Variants in XXYLT1 observed in about 807,000 individuals in gnomAD.
The protein encoded by XXYLT1 is UDP-xylose:alpha-xyloside alpha-1,3-xylosyltransferase.
In XXYLT1, 20 loss-of-function variants were observed where a neutral mutation model predicts 28.9. That is an observed-to-expected ratio of 0.69 (90% CI 0.49 to 1.00). The LOEUF (loss-of-function observed/expected upper bound fraction) is 1.00. Among genes scored for constraint, XXYLT1 ranks in the 50% least tolerant of loss-of-function variants. The pLI, the probability that XXYLT1 is intolerant of heterozygous loss-of-function variation, is 0.00. For missense variants in XXYLT1, 542 were observed against 560.1 expected, an observed-to-expected ratio of 0.97 and a Z score of 0.33; for synonymous variants, 257 against 253.8, an observed-to-expected ratio of 1.01 and a Z score of -0.12.
chr3:195,207,705 TAAA>T (rs1341453812), intron 2 of XXYLT1, among the ~76,000 whole-genome samples: 1 of 152,160 alleles, frequency 6.6e-6, no homozygotes, highest in Non-Finnish European at 1.5e-5. Flanking sequence ...TACAGATAAA[TAAA>T]TAAGCTGTAA....
chr3:195,222,802 G>A (rs909107406), intron 2 of XXYLT1, among the ~76,000 whole-genome samples: 1 of 152,126 alleles, frequency 6.6e-6, no homozygotes, highest in African/African-American at 2.4e-5. Context: ...CATGGGGGTT[G>A]AAATGAAGAT....
At chr3:195,184,570 C>G in intron 2 of XXYLT1, 2 of 976,806 alleles carry the variant, frequency 2.0e-6, no homozygotes, top group Non-Finnish European at 2.4e-6. Context: ...TAAGAAAATC[C>G]TCAAAATGGT....
At chr3:195,247,821 G>A (rs545875160) in intron 1 of XXYLT1, 5 of 702,642 alleles carry the variant, frequency 7.1e-6, no homozygotes, top group Non-Finnish European at 1.3e-5. Flanking sequence ...CACGGCGGAA[G>A]GGACACATCT....
At chr3:195,231,520 G>C (rs1724298213) in intron 1 of XXYLT1, among the ~76,000 whole-genome samples, 1 of 152,062 alleles carries the variant, frequency 6.6e-6, no homozygotes, top group Admixed American at 6.5e-5. Flanking sequence ...CTGTGGGCCT[G>C]TTGCATATGG....
intron 3 of XXYLT1, among the ~76,000 whole-genome samples, chr3:195,132,035 C>T (rs548190271): frequency 6.6e-6 from 1 of 152,292 alleles, no homozygotes; most frequent in South Asian, 2.1e-4. Flanking sequence ...GGCGGGACCT[C>T]ACTCCTAAGG....
chr3:195,096,988 G>A (rs553106766), intron 3 of XXYLT1, among the ~76,000 whole-genome samples: 8 of 152,354 alleles, frequency 5.3e-5, no homozygotes, highest in African/African-American at 1.7e-4. Context: ...GTCAGGCTGC[G>A]CTGAGCGCTG....
chr3:195,199,330 G>A, intron 2 of XXYLT1, among the ~76,000 whole-genome samples: 1 of 152,116 alleles, frequency 6.6e-6, no homozygotes, highest in Non-Finnish European at 1.5e-5. Flanking sequence ...AATCTTTTTG[G>A]GCCGGGCGCG....
At chr3:195,116,590 T>G (rs1004841425) in intron 3 of XXYLT1, among the ~76,000 whole-genome samples, 1 of 152,178 alleles carries the variant, frequency 6.6e-6, no homozygotes, top group Non-Finnish European at 1.5e-5. Flanking sequence ...GGACAACTTA[T>G]CAGCTCTCAC....
rs1331365583 is a variant in XXYLT1, at chr3:195,076,508, G to A, written c.786-6397C>T. 6.6e-6 allele frequency among the ~76,000 whole-genome samples: 1 copy of A among 152,196 alleles called. No homozygotes were observed. Among genetic ancestry groups the A allele is most frequent in the Non-Finnish European group, 1.5e-5 (1 of 68,034 alleles). On this transcript the variant is annotated intron_variant, in intron 3 of 3. Transcript: ENST00000310380. The surrounding 1 kb of genome is among the most constrained non-coding windows in gnomAD (Gnocchi z 5.3). ...TGGAGAGTTGCCCCTGTTACAGCCT[G>A]CACAGTGGGCCTCATTTTTACCTAA...
intron 2 of XXYLT1, among the ~76,000 whole-genome samples, chr3:195,187,361 C>A (rs536995590): frequency 1.1e-4 from 16 of 152,324 alleles, no homozygotes; most frequent in African/African-American, 3.8e-4. Flanking sequence ...CCATGCCCGG[C>A]CAGCTGAAGC....
At chr3:195,245,560 G>A (rs970629747) in intron 1 of XXYLT1, among the ~76,000 whole-genome samples, 2 of 152,158 alleles carry the variant, frequency 1.3e-5, no homozygotes, top group Non-Finnish European at 2.9e-5. Flanking sequence ...TTTAATTTGA[G>A]CGGCAGCTGA....
In XXYLT1 at chr3:195,173,975, A is replaced by G. The variant is rs1721537286; in HGVS notation, c.653-17394T>C. Among the ~76,000 whole-genome samples, 1 of 152,236 alleles carries G rather than the reference A, an allele frequency of 6.6e-6. No individual in the cohort carries two copies. The highest frequency in any genetic ancestry group is 1.5e-5 in the Non-Finnish European group (1 of 68,040). On this transcript the variant is annotated intron_variant, in intron 2 of 3. Transcript: ENST00000310380. The surrounding 1 kb of genome is among the most constrained non-coding windows in gnomAD (Gnocchi z 4.3). ...TCCCTCGGGTTGCAGGAGCAGAGTG[A>G]CATACTCAGAGTCCCTCAGTCAGAG...
chr3:195,121,662 T>C (rs1718366819), intron 3 of XXYLT1, among the ~76,000 whole-genome samples: 1 of 152,234 alleles, frequency 6.6e-6, no homozygotes, highest in Non-Finnish European at 1.5e-5. Flanking sequence ...GCAGACATGC[T>C]GGTCCTATTC....
At position 195,124,897 on chromosome 3, in the gene XXYLT1, A is replaced by G. The variant is rs556519607; in HGVS notation, c.785+31552T>C. On this transcript the variant is annotated intron_variant, in intron 3 of 3. Coordinates refer to ENST00000310380, the MANE Select transcript of XXYLT1 (RefSeq NM_152531.5). This position sits in a 1 kb window ranked among gnomAD's most constrained non-coding sequence, Gnocchi z 4.1. ...GACGCAGCACACATCTGTATTTTCT[A>G]TCAGGCTGCGGGTGCACAAGGCTGT... is the stretch of plus-strand genomic sequence containing the variant. Among the ~76,000 whole-genome samples the G allele has an allele frequency of 3.3e-5, 5 of 152,190 alleles. No individual in the cohort carries two copies. Among genetic ancestry groups the G allele is most frequent in the South Asian group, 2.1e-4 (1 of 4,828 alleles).
chr3:195,126,595 G>A (rs1385973261), intron 3 of XXYLT1, among the ~76,000 whole-genome samples: 2 of 152,206 alleles, frequency 1.3e-5, no homozygotes. Flanking sequence ...CGGGCATAAA[G>A]ACTTGACATT....
chr3:195,230,572 A>T (rs1251137596), intron 1 of XXYLT1, among the ~76,000 whole-genome samples: 1 of 152,052 alleles, frequency 6.6e-6, no homozygotes, highest in Non-Finnish European at 1.5e-5. Context: ...CAAGAGAGAG[A>T]GGTCTAGATG....
intron 2 of XXYLT1, among the ~76,000 whole-genome samples, chr3:195,213,398 G>A (rs897663581): frequency 1.3e-5 from 2 of 151,926 alleles, no homozygotes; most frequent in African/African-American, 2.4e-5. Context: ...CCGAGTAGCT[G>A]GGATTACAGG....
intron 3 of XXYLT1, among the ~76,000 whole-genome samples, chr3:195,102,639 A>C (rs1162834064): frequency 6.6e-6 from 1 of 152,100 alleles, no homozygotes; most frequent in Non-Finnish European, 1.5e-5. Flanking sequence ...TTCTTTTTAA[A>C]GGCCGAGTAA....
intron 3 of XXYLT1, among the ~76,000 whole-genome samples, chr3:195,091,048 CAA>C (rs1716104960): frequency 6.7e-6 from 1 of 150,212 alleles, no homozygotes; most frequent in African/African-American, 2.5e-5. Context: ...GCTTACCAAT[CAA>C]AAAGAGTCCA....
Sources: gnomAD v4.1 joint callset for allele counts (sites outside exome capture counted in the v4.1 genomes callset) on GRCh38, gnomAD v4.1.1 for gene constraint, Gnocchi (gnomAD v3.1) non-coding constraint, MANE v1.5 for transcripts, NCBI Gene and HGNC (gene_info 2026-07-23, HGNC 2026-07-21) for gene names.